CNKSR2: variants seen among roughly 807,000 people sequenced by gnomAD.
CNKSR2 encodes the protein connector enhancer of kinase suppressor of Ras 2.
Under a neutral mutation model 84.4 loss-of-function variants are expected in CNKSR2, and 14 were observed. The ratio of observed to expected loss-of-function variants is 0.17; its 90% CI spans 0.11 to 0.26. The LOEUF is 0.26. Ranked by LOEUF, CNKSR2 falls within the 10% of genes least tolerant of loss-of-function variation. CNKSR2 has a pLI of 1.00. For missense variants in CNKSR2, 485 were observed against 771.2 expected (o/e 0.63, Z 4.40); for synonymous variants, 275 against 277.9 (o/e 0.99, Z 0.10).
At chrX:21,477,722 T>C (rs2091274502) in intron 5 of CNKSR2, among the ~76,000 whole-genome samples, 1 of 111,941 alleles carries the variant, frequency 8.9e-6, no homozygotes, top group Non-Finnish European at 1.9e-5. Flanking sequence ...TTTATGAAAG[T>C]ATAGCTTTCC....
intron 8 of CNKSR2, among the ~76,000 whole-genome samples, chrX:21,509,808 G>T (rs1039343231): frequency 9.0e-6 from 1 of 111,662 alleles, no homozygotes; most frequent in Non-Finnish European, 1.9e-5. Context: ...TCTTTGAAAG[G>T]CACTGTATAT....
intron 7 of CNKSR2, among the ~76,000 whole-genome samples, chrX:21,500,209 G>T (rs780651970): frequency 9.0e-6 from 1 of 110,773 alleles, no homozygotes; most frequent in South Asian, 3.8e-4. Flanking sequence ...TCAGTAACTA[G>T]AACTCCCTGG....
intron 1 of CNKSR2, among the ~76,000 whole-genome samples, chrX:21,386,751 G>T (rs191549446): frequency 9.0e-6 from 1 of 111,511 alleles, no homozygotes; most frequent in African/African-American, 3.3e-5. Context: ...CTTGTGGAGA[G>T]AATGGTTTGA....
At chrX:21,514,695 G>A (rs1345497025) in intron 8 of CNKSR2, among the ~76,000 whole-genome samples, 1 of 111,212 alleles carries the variant, frequency 9.0e-6, no homozygotes, top group Non-Finnish European at 1.9e-5. Context: ...AAAAGATTGT[G>A]GCCATCACAT....
chrX:21,626,970 G>A (rs915744210), intron 20 of CNKSR2, among the ~76,000 whole-genome samples: 5 of 111,217 alleles, frequency 4.5e-5, no homozygotes, highest in African/African-American at 1.6e-4. Context: ...TGGAAAGAGA[G>A]GAAACTATAT....
At chrX:21,572,737 C>T (rs1048715692) in intron 13 of CNKSR2, among the ~76,000 whole-genome samples, 4 of 111,393 alleles carry the variant, frequency 3.6e-5, no homozygotes, top group Non-Finnish European at 5.7e-5. Flanking sequence ...AATTACCTCC[C>T]ACCGGGTCCC....
chrX:21,642,582 T>A (rs2092695177), intron 20 of CNKSR2: 1 of 739,300 alleles, frequency 1.4e-6, no homozygotes, highest in South Asian at 6.9e-5. Flanking sequence ...TGCTAATTAA[T>A]GATATTTCAT....
At chrX:21,641,992 A>G (rs2092693158) in intron 20 of CNKSR2, 1 of 759,695 alleles carries the variant, frequency 1.3e-6, no homozygotes. Flanking sequence ...AGGAAAAGAG[A>G]GGGATCAGCT....
At chrX:21,403,678 G>A (rs1024480565) in intron 1 of CNKSR2, among the ~76,000 whole-genome samples, 1 of 111,794 alleles carries the variant, frequency 8.9e-6, no homozygotes, top group Non-Finnish European at 1.9e-5. Flanking sequence ...AAAGCAGAAA[G>A]GATGCTCATT....
intron 1 of CNKSR2, among the ~76,000 whole-genome samples, chrX:21,382,210 G>A (rs200783082): frequency 8.9e-6 from 1 of 111,987 alleles, no homozygotes; most frequent in East Asian, 2.8e-4. Context: ...CCAGAATACA[G>A]TAGAAGTAGG....
At chrX:21,444,801 T>C (rs1287738289) in intron 4 of CNKSR2, among the ~76,000 whole-genome samples, 1 of 111,152 alleles carries the variant, frequency 9.0e-6, no homozygotes, top group East Asian at 2.8e-4. Context: ...TTCAGAATGT[T>C]CTTTAGATTT....
At chrX:21,602,628 A>G (rs1478616183) in intron 18 of CNKSR2, among the ~76,000 whole-genome samples, 1 of 111,704 alleles carries the variant, frequency 9.0e-6, no homozygotes, top group Non-Finnish European at 1.9e-5. Context: ...AGTAGAGACT[A>G]TATGTTGCAT....
chrX:21,446,607 A>G (rs1186862047), intron 4 of CNKSR2, among the ~76,000 whole-genome samples: 1 of 111,504 alleles, frequency 9.0e-6, no homozygotes, highest in African/African-American at 3.2e-5. Flanking sequence ...ACTGTGTATC[A>G]TATTAATATG....
At chrX:21,590,808 C>A in intron 14 of CNKSR2, 188 bp downstream of exon 14, 1 of 475,741 alleles carries the variant, frequency 2.1e-6, no homozygotes, top group Non-Finnish European at 3.5e-6. Context: ...AACAAATGAT[C>A]TCAATAAGTT....
chrX:21,487,926 G>A (rs1249891060), intron 5 of CNKSR2, among the ~76,000 whole-genome samples: 1 of 112,610 alleles, frequency 8.9e-6, no homozygotes, highest in East Asian at 2.8e-4. Context: ...CAACAGCAGA[G>A]CATAAAACCA....
At chrX:21,426,236 AC>A (rs944751646) in intron 1 of CNKSR2, 16 of 312,222 alleles carry the variant, frequency 5.1e-5, no homozygotes, top group Non-Finnish European at 8.7e-5. Context: ...GGAGAACTGC[AC>A]AGAAGAAAGA....
rs2089784695 is a variant in CNKSR2 at position 21,374,897 on chromosome X, C to T, written c.-1C>T. The stretch of plus-strand genomic sequence containing the variant: ...CTCTGCACGGAACCGACCCCGTACC[C>T]ATGGCTCTGATAATGGAACCGGTGA... On this transcript the variant is annotated 5_prime_UTR_variant, in exon 1 of 22. Transcript: ENST00000379510. 1 of 1,209,102 alleles carries T rather than the reference C, an allele frequency of 8.3e-7. No homozygotes were observed. Among genetic ancestry groups the T allele is most frequent in the East Asian group, 3.0e-5 (1 of 33,813 alleles).
chrX:21,545,102 A>G (rs1195178965), intron 11 of CNKSR2, among the ~76,000 whole-genome samples: 1 of 111,172 alleles, frequency 9.0e-6, no homozygotes, highest in Non-Finnish European at 1.9e-5. Flanking sequence ...AGTGGATCCC[A>G]CCCCGACAGA....
At chrX:21,584,579 AC>A (rs1221165730) in intron 13 of CNKSR2, among the ~76,000 whole-genome samples, 1 of 112,362 alleles carries the variant, frequency 8.9e-6, no homozygotes, top group Admixed American at 9.4e-5. Flanking sequence ...ACAATTTTGG[AC>A]AGGGAAGCTT....
Sources: allele counts gnomAD v4.1 joint callset (sites outside exome capture counted in the v4.1 genomes callset), GRCh38; gene constraint gnomAD v4.1.1; transcripts MANE v1.5; gene names NCBI Gene and HGNC (gene_info 2026-07-23, HGNC 2026-07-21).